APBA3: variants seen among roughly 807,000 people sequenced by gnomAD.
APBA3 encodes the protein amyloid-beta A4 precursor protein-binding family A member 3.
APBA3 carries 45 observed loss-of-function variants against 55.9 expected under a neutral mutation model. The observed-to-expected ratio is 0.80, with a 90% confidence interval of 0.63 to 1.03. The LOEUF (loss-of-function observed/expected upper bound fraction) is 1.03, where lower values mean the gene tolerates loss of function less well. Ranked by LOEUF, APBA3 falls within the 50% of genes least tolerant of loss-of-function variation. The pLI is 0.00. For missense variants in APBA3, 865 were observed against 820.3 expected (o/e 1.05, Z -0.67); for synonymous variants, 370 against 353.3 (o/e 1.05, Z -0.53).
chr19:3,753,312 G>C (rs2037033289), intron 6 of APBA3: 1 of 462,526 alleles, frequency 2.2e-6, no homozygotes, highest in Non-Finnish European at 3.9e-6. Flanking sequence ...CAGCCCAGGA[G>C]CGGGCAAGGT....
Position 3,759,620 on chromosome 19 carries a change from G to C in APBA3, c.577-20C>G. On this transcript the variant is annotated intron_variant, in intron 2 of 10. Coordinates refer to ENST00000316757, the MANE Select transcript of APBA3 (RefSeq NM_004886.4). Reference sequence around the variant, plus strand: ...GGGGCTCTGGAAGAAGATAGAGGAGGGGCAGGACTGAGTCTCCCTGCTTGG... The same window carrying C: ...GGGGCTCTGGAAGAAGATAGAGGAGCGGCAGGACTGAGTCTCCCTGCTTGG... 1 of 1,602,970 alleles carries C rather than the reference G, an allele frequency of 6.2e-7. No individual in the cohort carries two copies. The highest frequency in any genetic ancestry group is 8.5e-7 in the Non-Finnish European group (1 of 1,176,174).
chr19:3,758,818 C>T (rs1484219195), intron 3 of APBA3, among the ~76,000 whole-genome samples: 1 of 151,768 alleles, frequency 6.6e-6, no homozygotes, highest in African/African-American at 2.4e-5. Context: ...GCGGAAGTTG[C>T]AGTGAGCCGG....
rs769981121 is a variant in APBA3 at position 3,759,594 on chromosome 19, C to T, written c.583G>A (p.Glu195Lys). The change falls in exon 3 of 11, where the codon GAG becomes AAG. Residue 195 changes from glutamate (E) to lysine (K), a missense_variant. Glu to Lys is a moderately conservative substitution (Grantham distance 56). Coordinates refer to ENST00000316757, the MANE Select transcript of APBA3 (RefSeq NM_004886.4). ...GGGGCAGGGTAGGAAGCCAGGGTCT[C>T]GGGGCTCTGGAAGAAGATAGAGGAG... is the stretch of plus-strand genomic sequence containing the variant. ...EEPPAGAQSP[E>K]TLASYPAPQE... is the part of the protein sequence containing the mutation. 8 of 1,599,804 alleles carry T rather than the reference C, an allele frequency of 5.0e-6. No individual in the cohort carries two copies. The East Asian group carries it at 6.7e-5, about 13-fold the overall frequency.
At chr19:3,756,506 ATT>A (rs1292978443) in intron 3 of APBA3, 1 of 152,190 alleles carries the variant, frequency 6.6e-6, no homozygotes, top group Non-Finnish European at 1.5e-5. Context: ...AATTAAAAAT[ATT>A]GATTGTATGT....
intron 3 of APBA3, among the ~76,000 whole-genome samples, chr19:3,756,849 C>A (rs2037084443): frequency 6.6e-6 from 1 of 152,168 alleles, no homozygotes; most frequent in South Asian, 2.1e-4. Flanking sequence ...TTTCTGATTA[C>A]ACTATAATTG....
chr19:3,759,800 C>T lies in APBA3; in HGVS notation c.465G>A (p.Val155=), dbSNP rs1317843357. Residue 155 remains valine, a synonymous_variant, in exon 2 of 11, where the codon GTG becomes GTA. Transcript: ENST00000316757. ...PDEDSDSPEW[V]EGASAEQEGS... is the part of the protein sequence containing the mutation. ...CCTCCTGCTCAGCAGAGGCCCCCTC[C>T]ACCCATTCTGGGGAGTCAGAATCCT... is the stretch of plus-strand genomic sequence containing the variant. 1.9e-6 allele frequency: 3 copies of T among 1,612,710 alleles called. No homozygotes were observed. The highest frequency in any genetic ancestry group is 2.5e-6 in the Non-Finnish European group (3 of 1,179,906).
intron 8 of APBA3, chr19:3,751,814 T>A (rs989416488): frequency 2.0e-6 from 1 of 510,700 alleles, no homozygotes; most frequent in African/African-American, 2.0e-5. Context: ...GCTGCAAACA[T>A]CTGTAAGAGG....
In APBA3 at chr19:3,759,558, C is replaced by A; in HGVS notation, c.616+3G>T. The A allele has an allele frequency of 6.3e-7, 1 of 1,597,642 alleles. No homozygotes were observed. The highest frequency in any genetic ancestry group is 1.8e-5 in the Admixed American group (1 of 56,852). On this transcript the variant is annotated splice_donor_region_variant and intron_variant, in intron 3 of 10. Transcript: ENST00000316757. The stretch of plus-strand genomic sequence containing the variant: ...CTGAGGCTAGGGTGGGCGGGACACT[C>A]ACCCTCCTGGGGGGCAGGGTAGGAA...
intron 3 of APBA3, chr19:3,755,341 A>G (rs1216832274): frequency 6.6e-6 from 1 of 152,164 alleles, no homozygotes. Context: ...CGCGTCAGGC[A>G]GCTCTTCCTG....
chr19:3,751,708 T>G (rs2037008206), intron 8 of APBA3, 155 bp from the exon 9 acceptor site: 1 of 887,476 alleles, frequency 1.1e-6, no homozygotes, highest in Admixed American at 3.2e-5. Flanking sequence ...GAGAACAGAC[T>G]CGGGCCCGGT....
chr19:3,760,288 G>T lies in APBA3; in HGVS notation c.-24C>A. The stretch of plus-strand genomic sequence containing the variant: ...ATGCCTGGACTCCAGGCTTAGGCCG[G>T]CATCTTCAGGCAGCTGAAAGAGAGA... On this transcript the variant is annotated 5_prime_UTR_variant, in exon 2 of 11. Coordinates refer to ENST00000316757, the MANE Select transcript of APBA3 (RefSeq NM_004886.4). 1 of 1,558,318 alleles carries T rather than the reference G, an allele frequency of 6.4e-7. No homozygotes were observed. The highest frequency in any genetic ancestry group is 8.6e-7 in the Non-Finnish European group (1 of 1,161,584).
Position 3,758,748 on chromosome 19 carries a change from A to G in APBA3, c.616+813T>C, listed in dbSNP as rs539217727. ...CAAAAATTAGCTGGGCGTGGTGGCG[A>G]GCACCTGTAATCCCAGCTACTTGGG... On this transcript the variant is annotated intron_variant, in intron 3 of 10. Transcript: ENST00000316757. 1.8e-3 allele frequency among the ~76,000 whole-genome samples: 266 copies of G among 150,624 alleles called. 1 individual carries two copies. The highest frequency in any genetic ancestry group is 6.0e-3 in the African/African-American group (245 of 41,058).
chr19:3,754,947 G>A (rs59773653), intron 3 of APBA3: 5,964 of 151,846 alleles, frequency 0.039, 416 homozygotes, highest in African/African-American at 0.13. Flanking sequence ...GATGACAGGC[G>A]TGAGCCACGA....
intron 6 of APBA3, 160 bp from the exon 7 acceptor site, chr19:3,753,150 A>T (rs10414283): frequency 3.8e-6 from 3 of 784,118 alleles, no homozygotes; most frequent in Non-Finnish European, 5.9e-6. Context: ...GTGGAGAGAC[A>T]GCCGCATCTT....
Position 3,760,105 on chromosome 19 carries a change from C to A in APBA3, c.160G>T (p.Glu54Ter), listed in dbSNP as rs764103758. 1.2e-6 allele frequency: 2 copies of A among 1,613,500 alleles called. No individual in the cohort carries two copies. ...PGSLSRMELDESSLQELVQQF... is the reference protein window; with the variant it reads ...PGSLSRMELD ...TGCACCAGCTCCTGAAGGCTTGACTCATCAAGTTCCATCCGACTGAGGCTG... is the reference window on the plus strand; with the variant it reads ...TGCACCAGCTCCTGAAGGCTTGACTAATCAAGTTCCATCCGACTGAGGCTG... Residue 54 changes from glutamate (E) to a stop codon, truncating the protein, a stop_gained, in exon 2 of 11, where the codon GAG becomes TAG. Transcript: ENST00000316757. LOFTEE classifies it high-confidence loss of function.
At chr19:3,758,712 T>C (rs1469851541) in intron 3 of APBA3, among the ~76,000 whole-genome samples, 2 of 151,988 alleles carry the variant, frequency 1.3e-5, no homozygotes, top group Non-Finnish European at 2.9e-5. Flanking sequence ...ACCCCATCTC[T>C]ACTAAAAATA....
chr19:3,754,432 C>CAA (rs1568393833), intron 3 of APBA3, 92 bp from the exon 4 acceptor site: 2 of 1,481,544 alleles, frequency 1.3e-6, no homozygotes, highest in East Asian at 5.0e-5. Flanking sequence ...CCGGGAGACA[C>CAA]AGTGTTCTAG....
At chr19:3,760,520 C>T (rs542686820) in intron 1 of APBA3, among the ~76,000 whole-genome samples, 1 of 146,206 alleles carries the variant, frequency 6.8e-6, no homozygotes, top group Non-Finnish European at 1.5e-5. Flanking sequence ...GAGGCCGAGG[C>T]GGGCAGATCA....
In APBA3 at chr19:3,752,884, G is replaced by A; in HGVS notation, c.1118C>T (p.Pro373Leu). 6.2e-7 allele frequency: 1 copy of A among 1,613,322 alleles called. No homozygotes were observed. Among genetic ancestry groups the A allele is most frequent in the Non-Finnish European group, 8.5e-7 (1 of 1,179,882 alleles). Residue 373 changes from proline to leucine, a missense_variant, in exon 7 of 11, where the codon CCA (proline) becomes CTA (leucine). Transcript: ENST00000316757. The stretch of plus-strand genomic sequence containing the variant: ...CCCATTATGGAGGTGGCAGGCGCCT[G>A]GGCTCGGGTGCACGCCCACCTGGCT... ...DPSQVGVHPS[P>L]GACHLHNGDL...
Sources: allele counts gnomAD v4.1 joint callset (sites outside exome capture counted in the v4.1 genomes callset), GRCh38; gene constraint gnomAD v4.1.1; transcripts MANE v1.5; gene names NCBI Gene and HGNC (gene_info 2026-07-23, HGNC 2026-07-21).